MMRN1: variants seen among roughly 807,000 people sequenced by gnomAD.
The protein encoded by MMRN1 is multimerin-1.
A neutral mutation model predicts 100.7 loss-of-function variants in MMRN1; 94 were observed. That is an observed-to-expected ratio of 0.93 (90% CI 0.79 to 1.11). MMRN1 has a LOEUF of 1.11. MMRN1 is among the 50% of genes least tolerant of loss of function. The probability of loss-of-function intolerance (pLI) is 0.00; values close to 1 mark genes in which losing one functional copy is unlikely to be tolerated. For synonymous variants in MMRN1, 575 were observed against 505.0 expected (o/e 1.14, Z -1.86); for missense variants, 1,606 against 1,439.1 (o/e 1.12, Z -1.88).
intron 4 of MMRN1, among the ~76,000 whole-genome samples, chr4:89,925,447 T>C (rs1217156683): frequency 1.4e-5 from 2 of 148,008 alleles, no homozygotes; most frequent in African/African-American, 2.5e-5. Flanking sequence ...TGTGACTTAG[T>C]CTCTAACAAT....
Position 89,935,133 on chromosome 4 carries a change from C to A in MMRN1, c.1453C>A (p.Gln485Lys). Reference protein sequence around the residue: ...EKPIKELEVKQTHLEGALEQE... With the variant: ...EKPIKELEVKKTHLEGALEQE... The stretch of plus-strand genomic sequence containing the variant: ...GCCTATTAAAGAACTAGAAGTAAAG[C>A]AGACTCATTTAGAAGGTGCTCTAGA... Residue 485 changes from glutamine to lysine, a missense_variant, in exon 6 of 8, where the codon CAG becomes AAG. Transcript: ENST00000264790. 6.2e-7 allele frequency: 1 copy of A among 1,613,560 alleles called. No homozygotes were observed. Among genetic ancestry groups the A allele is most frequent in the Non-Finnish European group, 8.5e-7 (1 of 1,179,692 alleles).
At chr4:89,909,921 T>TA (rs1721694228) in intron 2 of MMRN1, among the ~76,000 whole-genome samples, 1 of 151,384 alleles carries the variant, frequency 6.6e-6, no homozygotes, top group Non-Finnish European at 1.5e-5. Flanking sequence ...TATCATTTTT[T>TA]AAAAAAGTCT....
intron 4 of MMRN1, 142 bp downstream of exon 4, chr4:89,923,414 T>A: frequency 1.3e-6 from 1 of 778,994 alleles, no homozygotes; most frequent in Non-Finnish European, 2.1e-6. Context: ...CTACTGGTGC[T>A]GGATGTTGGG....
intron 2 of MMRN1, among the ~76,000 whole-genome samples, chr4:89,910,532 C>T (rs1332475278): frequency 6.6e-6 from 1 of 151,138 alleles, no homozygotes; most frequent in Non-Finnish European, 1.5e-5. Context: ...TTTATTATGT[C>T]TGAGCTACAT....
intron 4 of MMRN1, among the ~76,000 whole-genome samples, chr4:89,924,771 G>A (rs989616474): frequency 5.9e-5 from 9 of 152,140 alleles, no homozygotes; most frequent in African/African-American, 2.2e-4. Context: ...TTGAACCCGG[G>A]AGGCAGAGGT....
chr4:89,936,487 C>T lies in MMRN1; in HGVS notation c.2807C>T (p.Thr936Ile), dbSNP rs1400399938. 1 of 1,613,168 alleles carries T rather than the reference C, an allele frequency of 6.2e-7. No homozygotes were observed. The highest frequency in any genetic ancestry group is 1.1e-5 in the South Asian group (1 of 91,002). ...TTAACAATGTGTCACAATGCTTCTA[C>T]AAGTGTGTCAGAACTGAATGCTACC... ...EVLTMCHNAS[T>I]SVSELNATIP... Residue 936 changes from threonine to isoleucine, a missense_variant, in exon 6 of 8, where the codon ACA becomes ATA. By Grantham distance (89) the Thr-to-Ile change is moderately conservative (BLOSUM62 -1). Transcript: ENST00000264790.
chr4:89,949,006 T>C (rs1723076072), intron 6 of MMRN1, among the ~76,000 whole-genome samples: 1 of 151,966 alleles, frequency 6.6e-6, no homozygotes, highest in African/African-American at 2.4e-5. Context: ...AATTGGAAAA[T>C]GGGGTAAAAT....
At chr4:89,911,062 C>T (rs978254623) in intron 2 of MMRN1, among the ~76,000 whole-genome samples, 9 of 151,164 alleles carry the variant, frequency 6.0e-5, no homozygotes, top group African/African-American at 9.7e-5. Context: ...TTGGATTCCT[C>T]GTCAGGAAAT....
At chr4:89,893,965 T>C (rs1051879414), upstream of MMRN1, among the ~76,000 whole-genome samples, 4 of 152,112 alleles carry the variant, frequency 2.6e-5, no homozygotes, top group Non-Finnish European at 2.9e-5. Flanking sequence ...AAAAAACCCA[T>C]AGAAAACTCA....
chr4:89,944,431 G>A (rs974301949), intron 6 of MMRN1, among the ~76,000 whole-genome samples: 7 of 152,142 alleles, frequency 4.6e-5, no homozygotes, highest in East Asian at 1.9e-4. Context: ...ACATGGGCAC[G>A]TTAACTTTGC....
chr4:89,948,554 T>C (rs543953924), intron 6 of MMRN1, among the ~76,000 whole-genome samples: 8 of 152,198 alleles, frequency 5.3e-5, no homozygotes, highest in Non-Finnish European at 1.0e-4. Context: ...GTGATACAGA[T>C]GCAGAAATAG....
chr4:89,899,424 A>G (rs1294991981), intron 1 of MMRN1, among the ~76,000 whole-genome samples: 1 of 152,158 alleles, frequency 6.6e-6, no homozygotes, highest in East Asian at 1.9e-4. Flanking sequence ...ACAATGAACA[A>G]GAACTCCTAC....
intron 1 of MMRN1, among the ~76,000 whole-genome samples, chr4:89,887,030 G>A (rs1382329834): frequency 1.3e-5 from 2 of 152,136 alleles, no homozygotes; most frequent in Non-Finnish European, 2.9e-5. Flanking sequence ...TTCCCAGCCT[G>A]TGATAACCAA....
At chr4:89,933,912 C>G (rs1722522127) in intron 5 of MMRN1, among the ~76,000 whole-genome samples, 1 of 151,942 alleles carries the variant, frequency 6.6e-6, no homozygotes, top group Admixed American at 6.6e-5. Flanking sequence ...GTATATGTAT[C>G]TTTTCTGTTT....
chr4:89,934,639 A>T (rs1722543342), intron 5 of MMRN1, among the ~76,000 whole-genome samples, 171 bp from the exon 6 acceptor site: 1 of 152,134 alleles, frequency 6.6e-6, no homozygotes, highest in Non-Finnish European at 1.5e-5. Flanking sequence ...CAAGGAATTG[A>T]TCACCTTTTA....
At chr4:89,916,134 G>C (rs1470685120) in intron 3 of MMRN1, among the ~76,000 whole-genome samples, 1 of 150,964 alleles carries the variant, frequency 6.6e-6, no homozygotes, top group Non-Finnish European at 1.5e-5. Flanking sequence ...AATAAATTGG[G>C]ATGAATGCAA....
intron 1 of MMRN1, among the ~76,000 whole-genome samples, chr4:89,898,373 AAGCTC>A (rs1245317273): frequency 6.6e-6 from 1 of 152,004 alleles, no homozygotes; most frequent in African/African-American, 2.4e-5. Flanking sequence ...TTGGCTAACA[AAGCTC>A]AGGGCAAAGA....
At chr4:89,907,828 T>G (rs1465786838) in intron 1 of MMRN1, among the ~76,000 whole-genome samples, 1 of 132,616 alleles carries the variant, frequency 7.5e-6, no homozygotes, top group East Asian at 2.9e-4. Flanking sequence ...CCTGTTTTTT[T>G]GTTTTTTTTT....
intron 5 of MMRN1, among the ~76,000 whole-genome samples, chr4:89,930,209 T>G (rs1468788420): frequency 1.8e-4 from 28 of 152,286 alleles, no homozygotes. Flanking sequence ...AGTAACAAAT[T>G]GTAGAAATGT....
Sources: allele counts gnomAD v4.1 joint callset (sites outside exome capture counted in the v4.1 genomes callset), GRCh38; gene constraint gnomAD v4.1.1; transcripts MANE v1.5; gene names NCBI Gene and HGNC (gene_info 2026-07-23, HGNC 2026-07-21).